TDRD7: variants seen among roughly 807,000 people sequenced by gnomAD.
TDRD7 encodes tudor domain-containing protein 7.
A neutral mutation model predicts 109.8 loss-of-function variants in TDRD7; 47 were observed. That is an observed-to-expected ratio of 0.43 (90% CI 0.34 to 0.55). The LOEUF (loss-of-function observed/expected upper bound fraction) is 0.55. Among genes scored for constraint, TDRD7 ranks in the 20% least tolerant of loss-of-function variants. TDRD7 has a pLI of 0.03. For synonymous variants in TDRD7, 424 were observed against 457.3 expected (o/e 0.93, Z 0.93); for missense variants, 1,164 against 1,319.2 (o/e 0.88, Z 1.82).
chr9:97,454,138 A>G (rs1043377599), intron 6 of TDRD7, among the ~76,000 whole-genome samples: 2 of 152,204 alleles, frequency 1.3e-5, no homozygotes, highest in African/African-American at 4.8e-5. Context: ...TTGACCGCAT[A>G]TTTGGAAGTA....
chr9:97,495,066 C>T (rs1829374435), intron 16 of TDRD7, among the ~76,000 whole-genome samples: 3 of 152,148 alleles, frequency 2.0e-5, no homozygotes, highest in Admixed American at 2.0e-4. Context: ...AATTCTCTAA[C>T]TTGATTTCTC....
Position 97,441,782 on chromosome 9 carries a change from A to C in TDRD7, c.762A>C (p.Ile254=). Residue 254 remains isoleucine, a synonymous_variant, in exon 6 of 17, where the codon ATA becomes ATC. Transcript: ENST00000355295. ...ILNKHNNGIW[I]SKLPHFYKEL... ...ACAAGCATAACAATGGCATTTGGAT[A>C]TCTAAGCTTCCACATTTTTACAAAG... 1 of 1,613,868 alleles carries C rather than the reference A, an allele frequency of 6.2e-7. No homozygotes were observed. Among genetic ancestry groups the C allele is most frequent in the Non-Finnish European group, 8.5e-7 (1 of 1,179,850 alleles).
At chr9:97,441,609 C>A in intron 5 of TDRD7, 49 bp from the exon 6 acceptor site, 1 of 1,481,360 alleles carries the variant, frequency 6.8e-7, no homozygotes, top group South Asian at 1.2e-5. Flanking sequence ...TGGGGATAAT[C>A]TAAAATGTTA....
chr9:97,448,479 A>G (rs1463165374), intron 6 of TDRD7, among the ~76,000 whole-genome samples: 1 of 152,228 alleles, frequency 6.6e-6, no homozygotes, highest in Non-Finnish European at 1.5e-5. Context: ...TAAGGAAGTC[A>G]TCAGCTGGTC....
In TDRD7 at chr9:97,437,166, A is replaced by G. The variant is rs539025309; in HGVS notation, c.564-2079A>G. On this transcript the variant is annotated intron_variant, in intron 4 of 16. Coordinates refer to ENST00000355295, the MANE Select transcript of TDRD7 (RefSeq NM_014290.3). ...ACAACAAGACACATTTTCTTACCTC[A>G]TAGTTTCTGTGGGTCAGGAAGGAAG... is the stretch of plus-strand genomic sequence containing the variant. 1.3e-4 allele frequency among the ~76,000 whole-genome samples: 20 copies of G among 152,224 alleles called. No individual in the cohort carries two copies. In the South Asian group the frequency reaches 3.9e-3, roughly 30 times the overall value.
intron 16 of TDRD7, among the ~76,000 whole-genome samples, chr9:97,488,206 G>T (rs949550482): frequency 5.3e-5 from 8 of 152,176 alleles, no homozygotes; most frequent in Non-Finnish European, 1.0e-4. Context: ...GCCTTGTAGC[G>T]TTAGCAGAGG....
intron 11 of TDRD7, among the ~76,000 whole-genome samples, chr9:97,474,255 G>C (rs1042886511): frequency 1.3e-5 from 2 of 152,012 alleles, no homozygotes; most frequent in African/African-American, 4.8e-5. Context: ...ACCTCCATTA[G>C]GACATTATGG....
rs1396420688 is a variant in TDRD7, at chr9:97,495,817, A to G, written c.3231A>G (p.Pro1077=). 2 of 1,614,256 alleles carry G rather than the reference A, an allele frequency of 1.2e-6. No individual in the cohort carries two copies. The highest frequency in any genetic ancestry group is 2.7e-5 in the African/African-American group (2 of 75,068). Residue 1077 remains proline, a synonymous_variant, in exon 17 of 17, where the codon CCA becomes CCG. Transcript: ENST00000355295. ...TCTACTTAGTGGACACATCGTTGCCAGACACCGATACCTGGATTCATGATT... is the reference window on the plus strand; with the variant it reads ...TCTACTTAGTGGACACATCGTTGCCGGACACCGATACCTGGATTCATGATT... ...VVVYLVDTSL[P]DTDTWIHDFM...
intron 15 of TDRD7, among the ~76,000 whole-genome samples, chr9:97,484,734 A>T (rs1037860963): frequency 7.9e-5 from 12 of 152,250 alleles, no homozygotes; most frequent in African/African-American, 2.9e-4. Context: ...AACCACAAGC[A>T]TAAATAGGTT....
intron 16 of TDRD7, among the ~76,000 whole-genome samples, chr9:97,494,618 T>TG (rs1157979113): frequency 6.6e-6 from 1 of 151,746 alleles, no homozygotes; most frequent in African/African-American, 2.4e-5. Flanking sequence ...TTAATTACTT[T>TG]GGGGCATAAT....
rs1471315366 is a variant in TDRD7, at chr9:97,460,396, C to T, written c.1074C>T (p.Ala358=). 1.2e-6 allele frequency: 2 copies of T among 1,614,166 alleles called. No individual in the cohort carries two copies. The highest frequency in any genetic ancestry group is 2.2e-5 in the South Asian group (2 of 91,092). The change falls in exon 7 of 17, where the codon GCC becomes GCT. Residue 358 remains alanine (A), a synonymous_variant. Coordinates refer to ENST00000355295, the MANE Select transcript of TDRD7 (RefSeq NM_014290.3). The stretch of plus-strand genomic sequence containing the variant: ...TGAAATACACAAGTGGCCTTTGGGC[C>T]AGTGCACTTCCGAAAGCATTTGAGG... ...LLVKYTSGLW[A]SALPKAFEEM...
chr9:97,422,275 A>G (rs1368048856), intron 1 of TDRD7, among the ~76,000 whole-genome samples: 2 of 152,152 alleles, frequency 1.3e-5, no homozygotes, highest in Non-Finnish European at 2.9e-5. Context: ...CATGCCTGTA[A>G]TCCCAGCCAA....
chr9:97,436,047 C>T (rs1197230204), intron 4 of TDRD7, among the ~76,000 whole-genome samples: 2 of 152,002 alleles, frequency 1.3e-5, no homozygotes, highest in Admixed American at 6.6e-5. Flanking sequence ...TCAAGAGTTC[C>T]GGTTAAGAAC....
Position 97,475,365 on chromosome 9 carries a change from T to C in TDRD7, c.2080-18T>C, listed in dbSNP as rs777706557. The C allele has an allele frequency of 1.9e-6, 3 of 1,585,778 alleles. No homozygotes were observed. In the South Asian group the frequency reaches 3.3e-5, roughly 18 times the overall value. On this transcript the variant is annotated intron_variant, in intron 11 of 16. Coordinates refer to ENST00000355295, the MANE Select transcript of TDRD7 (RefSeq NM_014290.3). ...TTTGCTAAGAGTAATAAGAGTATCA[T>C]GCATTTCTGTTTTGCAGCACATGAC... is the stretch of plus-strand genomic sequence containing the variant.
chr9:97,426,424 C>T (rs936041841), intron 1 of TDRD7, among the ~76,000 whole-genome samples: 1 of 151,966 alleles, frequency 6.6e-6, no homozygotes, highest in Non-Finnish European at 1.5e-5. Context: ...GCTAATTTTT[C>T]TATTTTTTGT....
At chr9:97,462,434 C>A (rs1350815539) in intron 7 of TDRD7, among the ~76,000 whole-genome samples, 1 of 152,150 alleles carries the variant, frequency 6.6e-6, no homozygotes, top group African/African-American at 2.4e-5. Context: ...ATTAGGTTGA[C>A]CTTAGGTTAT....
At chr9:97,446,299 C>G (rs1186846862) in intron 6 of TDRD7, among the ~76,000 whole-genome samples, 1 of 152,186 alleles carries the variant, frequency 6.6e-6, no homozygotes, top group African/African-American at 2.4e-5. Flanking sequence ...GTGGGCAGAA[C>G]TAGATGCACT....
At chr9:97,446,946 C>T (rs1252479747) in intron 6 of TDRD7, among the ~76,000 whole-genome samples, 1 of 151,960 alleles carries the variant, frequency 6.6e-6, no homozygotes, top group Non-Finnish European at 1.5e-5. Flanking sequence ...CTAAATAATG[C>T]CAGCAGAAGC....
At chr9:97,422,995 G>T (rs1827923801) in intron 1 of TDRD7, among the ~76,000 whole-genome samples, 1 of 152,176 alleles carries the variant, frequency 6.6e-6, no homozygotes, top group African/African-American at 2.4e-5. Context: ...TACTTTTCAT[G>T]CAGTGTCTTT....
Sources: allele counts gnomAD v4.1 joint callset (sites outside exome capture counted in the v4.1 genomes callset), GRCh38; gene constraint gnomAD v4.1.1; transcripts MANE v1.5; gene names NCBI Gene and HGNC (gene_info 2026-07-23, HGNC 2026-07-21).